DMTF1: variants seen among roughly 807,000 people sequenced by gnomAD.
DMTF1 encodes cyclin-D-binding Myb-like transcription factor 1.
Under a neutral mutation model 91.1 loss-of-function variants are expected in DMTF1, and 39 were observed. That is an observed-to-expected ratio of 0.43 (90% CI 0.33 to 0.56). DMTF1 has a LOEUF of 0.56. Among genes scored for constraint, DMTF1 ranks in the 20% least tolerant of loss-of-function variants. The pLI is 0.05. For synonymous variants in DMTF1, 338 were observed against 309.5 expected, an observed-to-expected ratio of 1.09 and a Z score of -0.97; for missense variants, 750 against 914.5, an observed-to-expected ratio of 0.82 and a Z score of 2.32.
intron 8 of DMTF1, 87 bp downstream of exon 8, chr7:87,179,789 G>T: frequency 2.4e-6 from 3 of 1,231,460 alleles, no homozygotes; most frequent in South Asian, 1.5e-5. Context: ...ATAGAAATAT[G>T]GTCAAGGTAT....
At chr7:87,171,441 GTCTGTT>G (rs1349550179) in intron 5 of DMTF1, among the ~76,000 whole-genome samples, 1 of 152,152 alleles carries the variant, frequency 6.6e-6, no homozygotes, top group Non-Finnish European at 1.5e-5. Flanking sequence ...CTCAGAAATA[GTCTGTT>G]TCTTACTGTG....
At chr7:87,180,354 G>T (rs1359058420) in intron 8 of DMTF1, among the ~76,000 whole-genome samples, 1 of 152,194 alleles carries the variant, frequency 6.6e-6, no homozygotes, top group Non-Finnish European at 1.5e-5. Context: ...TTATGTTTTT[G>T]TGACAGTGGA....
intron 5 of DMTF1, among the ~76,000 whole-genome samples, chr7:87,171,439 T>C (rs1434334572): frequency 6.6e-6 from 1 of 152,146 alleles, no homozygotes; most frequent in Non-Finnish European, 1.5e-5. Context: ...CCCTCAGAAA[T>C]AGTCTGTTTC....
intron 7 of DMTF1, among the ~76,000 whole-genome samples, chr7:87,175,653 T>C (rs1305338999): frequency 6.6e-6 from 1 of 152,190 alleles, no homozygotes; most frequent in Non-Finnish European, 1.5e-5. Context: ...TGGAAAATTT[T>C]GGTAGAGAAA....
intron 2 of DMTF1, 93 bp from the exon 3 acceptor site, chr7:87,164,837 CAAAT>C (rs1201748872): frequency 1.8e-5 from 11 of 608,154 alleles, no homozygotes; most frequent in South Asian, 3.0e-5. Context: ...GGCAGATACC[CAAAT>C]AAATGTGTGT....
chr7:87,195,948 A>G lies in DMTF1; in HGVS notation c.*808A>G, dbSNP rs1165737195. Reference sequence around the variant, plus strand: ...AGATGTTTTGCTATATAAATTACCGAGAGAATAGTTTGTCATCCACTTAGT... The same window carrying G: ...AGATGTTTTGCTATATAAATTACCGGGAGAATAGTTTGTCATCCACTTAGT... On this transcript the variant is annotated 3_prime_UTR_variant, in exon 18 of 18. Transcript: ENST00000331242. 2 of 152,446 alleles carry G rather than the reference A, an allele frequency of 1.3e-5. No individual in the cohort carries two copies. The highest frequency in any genetic ancestry group is 2.4e-5 in the African/African-American group (1 of 41,428). 9.4% of individuals were successfully genotyped at this position (152,446 alleles called of 1,614,324 possible).
intron 4 of DMTF1, 39 bp downstream of exon 4, chr7:87,166,644 TA>T: frequency 6.3e-7 from 1 of 1,597,044 alleles, no homozygotes; most frequent in Non-Finnish European, 8.6e-7. Flanking sequence ...AGTTCCCTTT[TA>T]AAATCAAAGT....
chr7:87,186,258 A>T, intron 12 of DMTF1: 1 of 364,418 alleles, frequency 2.7e-6, no homozygotes, highest in South Asian at 3.6e-5. Flanking sequence ...TAACGATTTA[A>T]TTTTTATGTT....
rs1313265971 is a variant in DMTF1 at position 87,163,936 on chromosome 7, G to A, written c.-9+319G>A. Reference sequence around the variant, plus strand: ...GGCACGTGCCTGTACCCAGCTATTCGGGTGGCTAAGACAGGAGTATCACTT... The same window carrying A: ...GGCACGTGCCTGTACCCAGCTATTCAGGTGGCTAAGACAGGAGTATCACTT... On this transcript the variant is annotated intron_variant, in intron 2 of 17. Coordinates refer to ENST00000331242, the MANE Select transcript of DMTF1 (RefSeq NM_001142327.2). Among the ~76,000 whole-genome samples the A allele has an allele frequency of 2.6e-5, 4 of 151,778 alleles. No individual in the cohort carries two copies. In the East Asian group the frequency reaches 5.8e-4, roughly 22 times the overall value.
intron 1 of DMTF1, among the ~76,000 whole-genome samples, chr7:87,161,918 A>G (rs1792534090): frequency 6.6e-6 from 1 of 152,236 alleles, no homozygotes; most frequent in Non-Finnish European, 1.5e-5. Context: ...AGTATGATTG[A>G]AAAGTTCGAA....
chr7:87,162,426 T>A (rs1748336499), intron 1 of DMTF1, among the ~76,000 whole-genome samples: 1 of 152,096 alleles, frequency 6.6e-6, no homozygotes, highest in African/African-American at 2.4e-5. Flanking sequence ...CACTTTTCAA[T>A]CTGAGCAGAT....
At chr7:87,187,249 A>G (rs533141998) in intron 12 of DMTF1, 2 of 152,350 alleles carry the variant, frequency 1.3e-5, no homozygotes, top group South Asian at 4.1e-4. Context: ...ATACCCAGGT[A>G]TAGGCCAGGT....
At chr7:87,166,979 T>G (rs557209809) in intron 4 of DMTF1, among the ~76,000 whole-genome samples, 2 of 152,332 alleles carry the variant, frequency 1.3e-5, no homozygotes. Context: ...GTTTGTCACA[T>G]GCATTTCCCC....
chr7:87,182,968 A>G (rs1247137174), intron 10 of DMTF1, among the ~76,000 whole-genome samples: 1 of 152,134 alleles, frequency 6.6e-6, no homozygotes, highest in Admixed American at 6.6e-5. Context: ...ACTGTCATTT[A>G]ACCTTTCTGA....
intron 7 of DMTF1, among the ~76,000 whole-genome samples, chr7:87,178,523 C>T (rs1334567270): frequency 6.6e-6 from 1 of 151,836 alleles, no homozygotes; most frequent in East Asian, 1.9e-4. Flanking sequence ...CATAAATTTG[C>T]TGATGTGATT....
In DMTF1 at chr7:87,193,731, C is replaced by A; in HGVS notation, c.1657C>A (p.His553Asn). ...GTTCTTTAATGTTTTATAGCCAGAA[C>A]ATTTGTTGAACACAAGTGATAATGT... ...QIIVHALSPE[H>N]LLNTSDNVTV... The change falls in exon 16 of 18, where the codon CAT (histidine) becomes AAT (asparagine). Residue 553 changes from histidine (H) to asparagine (N), a missense_variant. Physicochemically the swap from His to Asn is moderately conservative, Grantham distance 68 (BLOSUM62 1). Around this residue, in one of 3 missense-constraint regions of DMTF1, gnomAD observed 410 missense variants for 420.2 expected, o/e 0.98. Coordinates refer to ENST00000331242, the MANE Select transcript of DMTF1 (RefSeq NM_001142327.2). 1.3e-6 allele frequency: 2 copies of A among 1,594,744 alleles called. No individual in the cohort carries two copies. Among genetic ancestry groups the A allele is most frequent in the South Asian group, 1.1e-5 (1 of 87,480 alleles).
chr7:87,153,136 C>T (rs1789676761), intron 1 of DMTF1, among the ~76,000 whole-genome samples: 1 of 152,044 alleles, frequency 6.6e-6, no homozygotes, highest in South Asian at 2.1e-4. Flanking sequence ...GCTTTAGATT[C>T]TTCTGTAATT....
chr7:87,175,562 T>G (rs1297354316), intron 7 of DMTF1, among the ~76,000 whole-genome samples: 3 of 151,938 alleles, frequency 2.0e-5, no homozygotes, highest in African/African-American at 4.8e-5. Context: ...AGGTGAAGAG[T>G]GTTAGAAAGC....
chr7:87,193,090 C>T (rs1416404949), intron 14 of DMTF1, 108 bp from the exon 15 acceptor site: 7 of 1,190,288 alleles, frequency 5.9e-6, no homozygotes, highest in Middle Eastern at 2.0e-4. Context: ...CTTGTTCGCA[C>T]CTTCACAATG....
Sources: allele counts gnomAD v4.1 joint callset (sites outside exome capture counted in the v4.1 genomes callset), GRCh38; gene constraint gnomAD v4.1.1; regional missense constraint gnomAD v4.1.1; transcripts MANE v1.5; gene names NCBI Gene and HGNC (gene_info 2026-07-23, HGNC 2026-07-21).